SLC2A4: variants seen among roughly 807,000 people sequenced by gnomAD.
SLC2A4 encodes solute carrier family 2 member 4, also known as solute carrier family 2, facilitated glucose transporter member 4.
SLC2A4 carries 31 observed loss-of-function variants against 53.3 expected under a neutral mutation model. The observed-to-expected ratio is 0.58, with a 90% confidence interval of 0.44 to 0.78. The LOEUF (loss-of-function observed/expected upper bound fraction) is 0.78, where lower values mean the gene tolerates loss of function less well. SLC2A4 is among the 30% of genes least tolerant of loss of function. The pLI, the probability that SLC2A4 is intolerant of heterozygous loss-of-function variation, is 0.00. For synonymous variants in SLC2A4, 276 were observed against 281.9 expected (o/e 0.98, Z 0.21); for missense variants, 538 against 655.7 (o/e 0.82, Z 1.96).
In SLC2A4 at chr17:7,282,485, G is replaced by T. The variant is rs1196305652; in HGVS notation, c.33+518G>T. The stretch of plus-strand genomic sequence containing the variant: ...CCCCCCTCCTCCAGCTCAGGTTTCC[G>T]CTTGGAGACAGTCTGTGCCGCCAGC... On this transcript the variant is annotated intron_variant, in intron 1 of 10. Coordinates refer to ENST00000317370, the MANE Select transcript of SLC2A4 (RefSeq NM_001042.3). This position sits in a 1 kb window ranked among gnomAD's most constrained non-coding sequence, Gnocchi z 4.1. The T allele has an allele frequency of 2.3e-6, 1 of 444,120 alleles. No homozygotes were observed. The highest frequency in any genetic ancestry group is 7.0e-5 in the East Asian group (1 of 14,258). The allele number at this position is 444,120 out of a possible 1,614,324, so 27.5% of individuals were successfully genotyped here. A position where few individuals can be genotyped will look rare whatever the true frequency, so the allele number is the denominator to read the frequency against.
At position 7,285,708 on chromosome 17, in the gene SLC2A4, C is replaced by T. The variant is rs756669509; in HGVS notation, c.1126C>T (p.Arg376Ter). The T allele has an allele frequency of 3.1e-6, 5 of 1,614,166 alleles. No homozygotes were observed. Among genetic ancestry groups the T allele is most frequent in the East Asian group, 2.2e-5 (1 of 44,888 alleles). Residue 376 changes from arginine (R) to a stop codon, truncating the protein, a stop_gained, in exon 10 of 11, where the codon CGA becomes TGA. Transcript: ENST00000317370. LOFTEE classifies it high-confidence loss of function. This position sits in a 1 kb window ranked among gnomAD's most constrained non-coding sequence, Gnocchi z 6.0. ...LMTVALLLLE[R>*]VPAMSYVSIV... is the part of the protein sequence containing the mutation. ...ACCCTCCCTGTCTGGCCCCTAGGAG[C>T]GAGTTCCAGCCATGAGCTACGTCTC...
At chr17:7,281,991 GGGC>G in intron 1 of SLC2A4, 24 bp downstream of exon 1, 2 of 1,555,406 alleles carry the variant, frequency 1.3e-6, no homozygotes, top group South Asian at 1.1e-5. Context: ...TGAGGGGGCG[GGGC>G]GGGGGGGCAC....
Position 7,286,555 on chromosome 17 carries a change from A to G in SLC2A4, c.1456A>G (p.Thr486Ala), listed in dbSNP as rs763857859. The change falls in exon 11 of 11, where the codon ACA (threonine) becomes GCA (alanine). Residue 486 changes from threonine (T) to alanine (A), a missense_variant. Transcript: ENST00000317370. Reference sequence around the variant, plus strand: ...CCAGATCTCAGCTGCCTTCCACCGGACACCCTCTCTTTTAGAGCAGGAGGT... The same window carrying G: ...CCAGATCTCAGCTGCCTTCCACCGGGCACCCTCTCTTTTAGAGCAGGAGGT... Reference protein sequence around the residue: ...FDQISAAFHRTPSLLEQEVKP... With the variant: ...FDQISAAFHRAPSLLEQEVKP... 1 of 1,614,118 alleles carries G rather than the reference A, an allele frequency of 6.2e-7. No homozygotes were observed.
chr17:7,281,991 G>A (rs767317309), intron 1 of SLC2A4, 24 bp downstream of exon 1: 2 of 1,555,398 alleles, frequency 1.3e-6, no homozygotes, highest in Admixed American at 1.7e-5. Flanking sequence ...TGAGGGGGCG[G>A]GGCGGGGGGG....
chr17:7,285,941 A>C lies in SLC2A4; in HGVS notation c.1326+33A>C. 1 of 1,588,914 alleles carries C rather than the reference A, an allele frequency of 6.3e-7. No homozygotes were observed. Among genetic ancestry groups the C allele is most frequent in the Non-Finnish European group, 8.6e-7 (1 of 1,161,688 alleles). ...CCCCCGCCCCAGCCTCCCACACCGT[A>C]GGCCAGAGGTGGGCATCACACAGCT... On this transcript the variant is annotated intron_variant, in intron 10 of 10. Transcript: ENST00000317370. This position sits in a 1 kb window ranked among gnomAD's most constrained non-coding sequence, Gnocchi z 6.0.
rs767284060 is a variant in SLC2A4, at chr17:7,285,201, A to T, written c.1122+12A>T. The T allele has an allele frequency of 4.7e-5, 74 of 1,582,098 alleles. 1 individual carries two copies. In the South Asian group the frequency reaches 8.3e-4, roughly 18 times the overall value. On this transcript the variant is annotated intron_variant, in intron 9 of 10. Transcript: ENST00000317370. This position sits in a 1 kb window ranked among gnomAD's most constrained non-coding sequence, Gnocchi z 6.0. ...CTCTGCTCCTGCTGGTAAGGCCTGG[A>T]GGCTAGGAGGGGCTAGCAGCCCACC...
At chr17:7,286,308 C>A in intron 10 of SLC2A4, 118 bp from the exon 11 acceptor site, 1 of 818,630 alleles carries the variant, frequency 1.2e-6, no homozygotes, top group Non-Finnish European at 2.2e-6. Flanking sequence ...CTGGAGGAGG[C>A]AGCTGCTGTC....
Position 7,283,578 on chromosome 17 carries a change from G to A in SLC2A4, c.256G>A (p.Ala86Thr). 1 of 1,614,008 alleles carries A rather than the reference G, an allele frequency of 6.2e-7. No homozygotes were observed. The highest frequency in any genetic ancestry group is 8.5e-7 in the Non-Finnish European group (1 of 1,179,992). ...TLTTLWALSV[A>T]IFSVGGMISS... ...CACCACCCTCTGGGCCCTCTCCGTG[G>A]CCATCTTTTCCGTGGGCGGCATGAT... is the stretch of plus-strand genomic sequence containing the variant. The change falls in exon 3 of 11, where the codon GCC becomes ACC. Residue 86 changes from alanine to threonine, a missense_variant. Transcript: ENST00000317370. The surrounding 1 kb of genome is among the most constrained non-coding windows in gnomAD (Gnocchi z 5.8).
In SLC2A4 at chr17:7,281,834, C is replaced by A; in HGVS notation, c.-101C>A. On this transcript the variant is annotated 5_prime_UTR_variant, in exon 1 of 11. Coordinates refer to ENST00000317370, the MANE Select transcript of SLC2A4 (RefSeq NM_001042.3). ...CCCTCGCACGTCACTCCGGGACCCC[C>A]GCGGCCTCCGCAGGTTCTGCGCTCC... is the stretch of plus-strand genomic sequence containing the variant. The A allele has an allele frequency of 2.3e-6, 3 of 1,279,044 alleles. No individual in the cohort carries two copies. The highest frequency in any genetic ancestry group is 2.5e-5 in the South Asian group (2 of 78,638). The allele number at this position is 1,279,044 out of a possible 1,614,324, so 79.2% of individuals were successfully genotyped here.
rs2072454645 is a variant in SLC2A4, at chr17:7,286,818, CTT to C, written c.*190_*191del. ...CCCCTCATTCCCCTCGTGTGACTCT[CTT>C]GGATTATTTATGTGTTGTGGTTTGG... is the stretch of plus-strand genomic sequence containing the variant. On this transcript the variant is annotated 3_prime_UTR_variant, in exon 11 of 11. Coordinates refer to ENST00000317370, the MANE Select transcript of SLC2A4 (RefSeq NM_001042.3). 3.2e-6 allele frequency: 2 copies of C among 619,988 alleles called. No homozygotes were observed. 38.4% of individuals were successfully genotyped at this position (619,988 alleles called of 1,614,324 possible).
At position 7,286,904 on chromosome 17, in the gene SLC2A4, T is replaced by G; in HGVS notation, c.*275T>G. On this transcript the variant is annotated 3_prime_UTR_variant, in exon 11 of 11. Transcript: ENST00000317370. ...CTCTTCCTTCCCCCATCCCCTTTCC[T>G]CCCCACCTTCCCCAGACTCAGCTCC... is the stretch of plus-strand genomic sequence containing the variant. 1 of 437,050 alleles carries G rather than the reference T, an allele frequency of 2.3e-6. No individual in the cohort carries two copies. The allele number at this position is 437,050 out of a possible 1,614,324, so 27.1% of individuals were successfully genotyped here. A position where few individuals can be genotyped will look rare whatever the true frequency, so the allele number is the denominator to read the frequency against.
At position 7,285,170 on chromosome 17, in the gene SLC2A4, CTG is replaced by C. The variant is rs2072439134; in HGVS notation, c.1106_1107del (p.Val369GlyfsTer27). On this transcript the variant is annotated frameshift_variant, in exon 9 of 11. Coordinates refer to ENST00000317370, the MANE Select transcript of SLC2A4 (RefSeq NM_001042.3). LOFTEE classifies it high-confidence loss of function. This position sits in a 1 kb window ranked among gnomAD's most constrained non-coding sequence, Gnocchi z 6.0. ...ATGTGTGGCTGTGCCATCCTGATGACTGTGGCTCTGCTCCTGCTGGTAAGGCC... is the reference window on the plus strand; with the variant it reads ...ATGTGTGGCTGTGCCATCCTGATGACTGGCTCTGCTCCTGCTGGTAAGGCC... 1.2e-6 allele frequency: 2 copies of C among 1,600,564 alleles called. No homozygotes were observed. The highest frequency in any genetic ancestry group is 1.3e-5 in the African/African-American group (1 of 74,914).
At position 7,283,169 on chromosome 17, in the gene SLC2A4, G is replaced by A; in HGVS notation, c.34-76G>A. 1.7e-6 allele frequency: 2 copies of A among 1,176,392 alleles called. No individual in the cohort carries two copies. Among genetic ancestry groups the A allele is most frequent in the African/African-American group, 1.5e-5 (1 of 66,352 alleles). 72.9% of individuals were successfully genotyped at this position (1,176,392 alleles called of 1,614,324 possible). A position where few individuals can be genotyped will look rare whatever the true frequency, so the allele number is the denominator to read the frequency against. ...AGCCCAGTATCTTCAGGCTCCAGCT[G>A]GGCCCGGGCCCCTAGCGGAAGGAAA... On this transcript the variant is annotated intron_variant, in intron 1 of 10. Transcript: ENST00000317370. This position sits in a 1 kb window ranked among gnomAD's most constrained non-coding sequence, Gnocchi z 5.8.
Position 7,281,819 on chromosome 17 carries a change from T to A in SLC2A4, c.-116T>A. 1 of 1,098,476 alleles carries A rather than the reference T, an allele frequency of 9.1e-7. No homozygotes were observed. The highest frequency in any genetic ancestry group is 2.0e-5 in the Admixed American group (1 of 50,280). The allele number at this position is 1,098,476 out of a possible 1,614,324, so 68.0% of individuals were successfully genotyped here. ...GTCCCATCGGGCCCGCCCTCGCACG[T>A]CACTCCGGGACCCCCGCGGCCTCCG... On this transcript the variant is annotated 5_prime_UTR_variant, in exon 1 of 11. Transcript: ENST00000317370.
chr17:7,282,409 G>A lies in SLC2A4; in HGVS notation c.33+442G>A, dbSNP rs1368018964. 6.5e-6 allele frequency: 3 copies of A among 459,662 alleles called. No homozygotes were observed. Among genetic ancestry groups the A allele is most frequent in the Non-Finnish European group, 1.3e-5 (3 of 229,394 alleles). 28.5% of individuals were successfully genotyped at this position (459,662 alleles called of 1,614,324 possible). Reference sequence around the variant, plus strand: ...ACTCCTGGCCGCCCTCCAGGACGCTGAACTTTCCCTTGGCCCCATGGTTGG... The same window carrying A: ...ACTCCTGGCCGCCCTCCAGGACGCTAAACTTTCCCTTGGCCCCATGGTTGG... On this transcript the variant is annotated intron_variant, in intron 1 of 10. Transcript: ENST00000317370. The surrounding 1 kb of genome is among the most constrained non-coding windows in gnomAD (Gnocchi z 4.1).
rs1472425754 is a variant in SLC2A4 at position 7,282,275 on chromosome 17, A to G, written c.33+308A>G. 3.5e-6 allele frequency: 2 copies of G among 574,502 alleles called. No homozygotes were observed. Among genetic ancestry groups the G allele is most frequent in the East Asian group, 7.7e-5 (2 of 26,028 alleles). The allele number at this position is 574,502 out of a possible 1,614,324, so 35.6% of individuals were successfully genotyped here. ...TCGGGGACACCCTGCCCTCGATCCG[A>G]CTCGGGAAAGCAGATCCAGGCGGGT... On this transcript the variant is annotated intron_variant, in intron 1 of 10. Coordinates refer to ENST00000317370, the MANE Select transcript of SLC2A4 (RefSeq NM_001042.3). The surrounding 1 kb of genome is among the most constrained non-coding windows in gnomAD (Gnocchi z 4.1).
chr17:7,285,914 T>C lies in SLC2A4; in HGVS notation c.1326+6T>C, dbSNP rs1597600809. The C allele has an allele frequency of 6.2e-7, 1 of 1,608,608 alleles. No individual in the cohort carries two copies. On this transcript the variant is annotated splice_donor_region_variant and intron_variant, in intron 10 of 10. Coordinates refer to ENST00000317370, the MANE Select transcript of SLC2A4 (RefSeq NM_001042.3). The surrounding 1 kb of genome is among the most constrained non-coding windows in gnomAD (Gnocchi z 6.0). ...TGGGTTTCCAGTATGTTGCGGTAGG[T>C]CCCCCCGCCCCAGCCTCCCACACCG...
Position 7,281,745 on chromosome 17 carries a change from G to C in SLC2A4, c.-190G>C, listed in dbSNP as rs2072403068. On this transcript the variant is annotated 5_prime_UTR_variant, in exon 1 of 11. Coordinates refer to ENST00000317370, the MANE Select transcript of SLC2A4 (RefSeq NM_001042.3). ...CTTTTCCCCCAGCCCCGCTCCACCA[G>C]ATCCGCGGGAGCCCCACTGCTCTCC... is the stretch of plus-strand genomic sequence containing the variant. 3.1e-6 allele frequency: 2 copies of C among 648,482 alleles called. No homozygotes were observed. The highest frequency in any genetic ancestry group is 5.0e-5 in the Admixed American group (2 of 40,402). 40.2% of individuals were successfully genotyped at this position (648,482 alleles called of 1,614,324 possible).
chr17:7,283,413 G>A lies in SLC2A4; in HGVS notation c.150+52G>A, dbSNP rs778692114. 1.9e-6 allele frequency: 3 copies of A among 1,612,342 alleles called. No homozygotes were observed. Among genetic ancestry groups the A allele is most frequent in the Non-Finnish European group, 2.5e-6 (3 of 1,178,898 alleles). On this transcript the variant is annotated intron_variant, in intron 2 of 10. Transcript: ENST00000317370. The surrounding 1 kb of genome is among the most constrained non-coding windows in gnomAD (Gnocchi z 5.8). ...GGGTACCCAAACGAGGAGGACAGGT[G>A]TCTCGGGGGTGGTGGAAAGGGGACG...
Sources: gnomAD v4.1 joint callset for allele counts on GRCh38, gnomAD v4.1.1 for gene constraint, Gnocchi (gnomAD v3.1) non-coding constraint, MANE v1.5 for transcripts, NCBI Gene and HGNC (gene_info 2026-07-23, HGNC 2026-07-21) for gene names.